PIWIL2: variants seen among roughly 807,000 people sequenced by gnomAD.
PIWIL2 encodes piwi-like protein 2.
A neutral mutation model predicts 116.5 loss-of-function variants in PIWIL2; 81 were observed. The observed-to-expected ratio is 0.70, with a 90% CI of 0.58 to 0.84. The LOEUF is 0.84. Ranked by LOEUF, PIWIL2 falls within the 40% of genes least tolerant of loss-of-function variation. The pLI, the probability that PIWIL2 is intolerant of heterozygous loss-of-function variation, is 0.00. For synonymous variants in PIWIL2, 489 were observed against 429.5 expected (o/e 1.14, Z -1.71); for missense variants, 1,272 against 1,212.3 (o/e 1.05, Z -0.73).
chr8:22,304,915 C>A, intron 12 of PIWIL2, 47 bp downstream of exon 12: 1 of 1,265,694 alleles, frequency 7.9e-7, no homozygotes, highest in South Asian at 1.2e-5. Flanking sequence ...GTTCTTCATC[C>A]TGTCAGCTGC....
At chr8:22,298,053 TC>T (rs1437123770) in intron 10 of PIWIL2, among the ~76,000 whole-genome samples, 1 of 152,060 alleles carries the variant, frequency 6.6e-6, no homozygotes, top group Non-Finnish European at 1.5e-5. Flanking sequence ...GCCCAAGAGT[TC>T]GAAACCAGCC....
chr8:22,318,610 G>A (rs1008290009), intron 20 of PIWIL2, among the ~76,000 whole-genome samples: 10 of 152,160 alleles, frequency 6.6e-5, no homozygotes, highest in Non-Finnish European at 7.3e-5. Flanking sequence ...GAGCCACCGC[G>A]CCTGGCCAAG....
chr8:22,329,985 C>G (rs62492567), intron 20 of PIWIL2, among the ~76,000 whole-genome samples: 75,738 of 151,980 alleles, frequency 0.5, 21,708 homozygotes, highest in East Asian at 0.81. Context: ...TGTTTTTCCT[C>G]AAATTTGGGA....
In PIWIL2 at chr8:22,304,059, A is replaced by C. The variant is rs914297456; in HGVS notation, c.1220A>C (p.Asp407Ala). The change falls in exon 11 of 23, where the codon GAT becomes GCT. Residue 407 changes from aspartate to alanine, a missense_variant. By Grantham distance (126) the Asp-to-Ala change is moderately radical (BLOSUM62 -2). Transcript: ENST00000356766. ...CAGCAGAATAAAGAACACTTCCAGGATGAGTGTACTAAGCTTCTGGTTGGC... is the reference window on the plus strand; with the variant it reads ...CAGCAGAATAAAGAACACTTCCAGGCTGAGTGTACTAAGCTTCTGGTTGGC... ...IYQQNKEHFQ[D>A]ECTKLLVGNI... 6.2e-7 allele frequency: 1 copy of C among 1,613,514 alleles called. No individual in the cohort carries two copies. Among genetic ancestry groups the C allele is most frequent in the Admixed American group, 1.7e-5 (1 of 59,966 alleles).
chr8:22,297,402 T>G (rs1830933307), intron 10 of PIWIL2, among the ~76,000 whole-genome samples: 1 of 152,208 alleles, frequency 6.6e-6, no homozygotes. Context: ...ATTACAGGTG[T>G]GAGCTATTGC....
At chr8:22,295,071 T>C (rs1830865335) in intron 10 of PIWIL2, among the ~76,000 whole-genome samples, 1 of 152,030 alleles carries the variant, frequency 6.6e-6, no homozygotes, top group Admixed American at 6.6e-5. Context: ...AGAGCGAGAC[T>C]TCGTCTGGGG....
At chr8:22,315,820 T>C (rs1200780159) in intron 18 of PIWIL2, among the ~76,000 whole-genome samples, 1 of 152,202 alleles carries the variant, frequency 6.6e-6, no homozygotes. Flanking sequence ...TCTGAAATAC[T>C]TGGGACCAGA....
chr8:22,309,782 T>A (rs1186261278), intron 14 of PIWIL2, among the ~76,000 whole-genome samples, 179 bp from the exon 15 acceptor site: 1 of 152,228 alleles, frequency 6.6e-6, no homozygotes, highest in African/African-American at 2.4e-5. Context: ...TATATAAATG[T>A]AGGTTTTTAT....
intron 16 of PIWIL2, 22 bp from the exon 17 acceptor site, chr8:22,314,306 G>T: frequency 7.2e-7 from 1 of 1,386,284 alleles, no homozygotes; most frequent in Non-Finnish European, 9.8e-7. Flanking sequence ...AGCCTGACTT[G>T]TATATACCTT....
Position 22,313,796 on chromosome 8 carries a change from A to G in PIWIL2, c.1990-532A>G, listed in dbSNP as rs560474103. 5.1e-4 allele frequency among the ~76,000 whole-genome samples: 77 copies of G among 152,338 alleles called. 1 individual carries two copies. The highest frequency in any genetic ancestry group is 1.0e-3 in the South Asian group (5 of 4,832). ...ACTGACATGCTGTGCTGCTGACAAT[A>G]TCATTCTGTCTCTTCACCAGAGTTA... On this transcript the variant is annotated intron_variant, in intron 16 of 22. Coordinates refer to ENST00000356766, the MANE Select transcript of PIWIL2 (RefSeq NM_018068.5).
Position 22,283,212 on chromosome 8 carries a change from C to G in PIWIL2, c.604C>G (p.Leu202Val), listed in dbSNP as rs751650680. The G allele has an allele frequency of 1.2e-6, 2 of 1,614,116 alleles. No individual in the cohort carries two copies. The highest frequency in any genetic ancestry group is 8.5e-7 in the Non-Finnish European group (1 of 1,180,008). Residue 202 changes from leucine to valine, a missense_variant, in exon 5 of 23, where the codon CTG (leucine) becomes GTG (valine). Physicochemically the swap from Leu to Val is conservative, Grantham distance 32. Transcript: ENST00000356766. ...QSPLHSPDRPLVLTVEHKEKE... is the reference protein window; with the variant it reads ...QSPLHSPDRPVVLTVEHKEKE... ...TCCCCTGCACTCTCCAGATCGCCCT[C>G]TGGTCCTGACTGTGGAACACAAGGA...
intron 20 of PIWIL2, chr8:22,322,024 T>A: frequency 1.0e-6 from 1 of 979,724 alleles, no homozygotes. Context: ...TGTTTTGGTT[T>A]TTTTTTTTGT....
At chr8:22,353,343 A>G (rs1263215535) in intron 21 of PIWIL2, 131 bp downstream of exon 21, 10 of 823,144 alleles carry the variant, frequency 1.2e-5, no homozygotes, top group African/African-American at 3.4e-5. Flanking sequence ...CGTTAAAAGA[A>G]TGAAGGTTTA....
intron 20 of PIWIL2, among the ~76,000 whole-genome samples, chr8:22,320,116 C>A (rs1345250286): frequency 2.0e-5 from 3 of 152,072 alleles, no homozygotes; most frequent in African/African-American, 7.2e-5. Context: ...GCATGTGACA[C>A]CACACCTGGC....
At chr8:22,282,802 C>G (rs1830541319) in intron 4 of PIWIL2, among the ~76,000 whole-genome samples, 1 of 151,896 alleles carries the variant, frequency 6.6e-6, no homozygotes, top group Non-Finnish European at 1.5e-5. Context: ...ATTGTTTAGG[C>G]TGGTCTTGAA....
At chr8:22,309,260 C>G (rs1831266754) in intron 14 of PIWIL2, among the ~76,000 whole-genome samples, 1 of 151,888 alleles carries the variant, frequency 6.6e-6, no homozygotes, top group South Asian at 2.1e-4. Flanking sequence ...ACACCCGGCC[C>G]CCTTGGATAT....
intron 4 of PIWIL2, among the ~76,000 whole-genome samples, chr8:22,282,683 C>T (rs1368409736): frequency 6.6e-6 from 1 of 151,984 alleles, no homozygotes; most frequent in African/African-American, 2.4e-5. Flanking sequence ...CTCGACCTCC[C>T]AGGCTGAAGT....
Position 22,357,335 on chromosome 8 carries a change from G to C in PIWIL2, c.*1830G>C, listed in dbSNP as rs1447643187. ...CAGAATCAAACACTGTGAACCACTG[G>C]TCTCTGGCTAAGCAGATCAGTTTTC... On this transcript the variant is annotated 3_prime_UTR_variant, in exon 23 of 23. Coordinates refer to ENST00000356766, the MANE Select transcript of PIWIL2 (RefSeq NM_018068.5). 6.6e-6 allele frequency: 1 copy of C among 152,154 alleles called. No individual in the cohort carries two copies. The allele number at this position is 152,154 out of a possible 1,614,324, so 9.4% of individuals were successfully genotyped here. A position where few individuals can be genotyped will look rare whatever the true frequency, so the allele number is the denominator to read the frequency against.
intron 20 of PIWIL2, 113 bp from the exon 21 acceptor site, chr8:22,352,846 C>G: frequency 9.3e-7 from 1 of 1,079,982 alleles, no homozygotes. Flanking sequence ...TTGGCACTAA[C>G]TGCAAAAGGA....
Sources: gnomAD v4.1 joint callset for allele counts (sites outside exome capture counted in the v4.1 genomes callset) on GRCh38, gnomAD v4.1.1 for gene constraint, MANE v1.5 for transcripts, NCBI Gene and HGNC (gene_info 2026-07-23, HGNC 2026-07-21) for gene names.